RARS1: variants seen among roughly 807,000 people sequenced by gnomAD.
RARS1 encodes the protein arginine--tRNA ligase, cytoplasmic.
RARS1 carries 75 observed loss-of-function variants against 78.7 expected under a neutral mutation model. The ratio of observed to expected loss-of-function variants is 0.95; its 90% CI spans 0.79 to 1.15. RARS1 has a LOEUF of 1.15. Among genes scored for constraint, RARS1 ranks in the 50% most tolerant of loss-of-function variants. The pLI is 0.00. For synonymous variants in RARS1, 273 were observed against 268.2 expected, an observed-to-expected ratio of 1.02 and a Z score of -0.18; for missense variants, 787 against 787.5, an observed-to-expected ratio of 1.00 and a Z score of 0.01.
Position 168,486,555 on chromosome 5 carries a change from G to A in RARS1, c.45+12G>A, listed in dbSNP as rs139909727. ...GGCTGCTGCAGCAGGTTTGGACGCA[G>A]GAGACCGGCGGGAAGGCCTGAAAGA... is the stretch of plus-strand genomic sequence containing the variant. On this transcript the variant is annotated intron_variant, in intron 1 of 14. Coordinates refer to ENST00000231572, the MANE Select transcript of RARS1 (RefSeq NM_002887.4). 1.9e-6 allele frequency: 3 copies of A among 1,554,810 alleles called. No individual in the cohort carries two copies. Among genetic ancestry groups the A allele is most frequent in the Non-Finnish European group, 2.6e-6 (3 of 1,148,408 alleles).
chr5:168,494,524 G>A (rs1758143282), intron 4 of RARS1, 26 bp from the exon 5 acceptor site: 1 of 1,604,406 alleles, frequency 6.2e-7, no homozygotes, highest in Non-Finnish European at 8.5e-7. Context: ...GACAGTATCT[G>A]ATATTTTTTC....
chr5:168,504,974 C>T (rs1437483880), intron 9 of RARS1, among the ~76,000 whole-genome samples: 2 of 152,148 alleles, frequency 1.3e-5, no homozygotes, highest in Non-Finnish European at 2.9e-5. Context: ...ACCTGGATGA[C>T]AGAGCAAGAC....
chr5:168,513,147 G>A (rs1462750032), intron 12 of RARS1, among the ~76,000 whole-genome samples: 13 of 150,486 alleles, frequency 8.6e-5, no homozygotes, highest in African/African-American at 2.9e-4. Context: ...CCATGTTCAC[G>A]CCATTCTCCT....
chr5:168,504,242 G>A (rs1460707106), intron 9 of RARS1, among the ~76,000 whole-genome samples: 1 of 151,980 alleles, frequency 6.6e-6, no homozygotes, highest in East Asian at 1.9e-4. Flanking sequence ...TTAGCCAGGC[G>A]TGGCTGGGCG....
Position 168,494,003 on chromosome 5 carries a change from G to C in RARS1, c.478+1G>C, listed in dbSNP as rs1482123324. ...GAAAAAGTTGAAATTGCTGGTCCTGGTATGACATAATGTTATCCTTCTTAA... is the reference window on the plus strand; with the variant it reads ...GAAAAAGTTGAAATTGCTGGTCCTGCTATGACATAATGTTATCCTTCTTAA... On this transcript the variant is annotated splice_donor_variant, in intron 4 of 14. Transcript: ENST00000231572. LOFTEE classifies it high-confidence loss of function. 1.3e-6 allele frequency: 2 copies of C among 1,590,406 alleles called. No individual in the cohort carries two copies. The highest frequency in any genetic ancestry group is 8.6e-7 in the Non-Finnish European group (1 of 1,158,944).
intron 6 of RARS1, among the ~76,000 whole-genome samples, chr5:168,496,240 G>A (rs992246882): frequency 1.8e-4 from 27 of 151,576 alleles, no homozygotes; most frequent in Admixed American, 1.4e-3. Flanking sequence ...TTAGCTGGGT[G>A]TGGTGGTGCA....
At chr5:168,486,936 A>C (rs1476372691) in intron 1 of RARS1, among the ~76,000 whole-genome samples, 1 of 152,156 alleles carries the variant, frequency 6.6e-6, no homozygotes, top group Non-Finnish European at 1.5e-5. Context: ...CTTGGTTTGC[A>C]GCTCAGCCGC....
At chr5:168,495,873 G>A (rs1010573364) in intron 6 of RARS1, among the ~76,000 whole-genome samples, 1 of 152,126 alleles carries the variant, frequency 6.6e-6, no homozygotes, top group African/African-American at 2.4e-5. Context: ...ATTAGCCTGG[G>A]TACCATGGCT....
Position 168,500,651 on chromosome 5 carries a change from GTT to G in RARS1, c.884_885del (p.Val295AlafsTer5). On this transcript the variant is annotated frameshift_variant, in exon 8 of 15. Coordinates refer to ENST00000231572, the MANE Select transcript of RARS1 (RefSeq NM_002887.4). LOFTEE classifies it high-confidence loss of function. ...EFKKRAYQCV[V>X]LLQGKNPDIT... ...TAAGAAGCGAGCATATCAGTGTGTA[GTT>G]CTGCTCCAGGGTAAAAACCCAGATA... The G allele has an allele frequency of 6.2e-7, 1 of 1,610,606 alleles. No individual in the cohort carries two copies. Among genetic ancestry groups the G allele is most frequent in the Non-Finnish European group, 8.5e-7 (1 of 1,178,974 alleles).
intron 5 of RARS1, 109 bp downstream of exon 5, chr5:168,494,759 A>C: frequency 2.5e-6 from 2 of 792,228 alleles, no homozygotes; most frequent in Non-Finnish European, 4.1e-6. Context: ...AAGCAGGAGG[A>C]TTGCTTGAGC....
chr5:168,494,770 C>T, intron 5 of RARS1, 120 bp downstream of exon 5: 1 of 734,986 alleles, frequency 1.4e-6, no homozygotes, highest in South Asian at 1.7e-5. Context: ...TTGCTTGAGC[C>T]TAGAAGTTCA....
chr5:168,507,340 A>G (rs1004961651), intron 11 of RARS1, among the ~76,000 whole-genome samples: 19 of 152,156 alleles, frequency 1.2e-4, no homozygotes, highest in African/African-American at 4.6e-4. Context: ...TCTATTTTCT[A>G]ATTTTTTTAT....
At chr5:168,487,282 C>T (rs1331009022) in intron 1 of RARS1, among the ~76,000 whole-genome samples, 1 of 151,866 alleles carries the variant, frequency 6.6e-6, no homozygotes, top group African/African-American at 2.4e-5. Flanking sequence ...AGGAGAATGG[C>T]GTGAACCCGG....
intron 6 of RARS1, among the ~76,000 whole-genome samples, chr5:168,496,527 G>T (rs1758192022): frequency 6.6e-6 from 1 of 151,898 alleles, no homozygotes; most frequent in South Asian, 2.1e-4. Context: ...CTGTTGCCCA[G>T]GCTGGAGTGC....
At chr5:168,489,117 T>C (rs1423411838) in intron 2 of RARS1, among the ~76,000 whole-genome samples, 1 of 152,140 alleles carries the variant, frequency 6.6e-6, no homozygotes, top group Non-Finnish European at 1.5e-5. Flanking sequence ...ACCTTCAGGC[T>C]CAAGCAGTCA....
intron 9 of RARS1, among the ~76,000 whole-genome samples, chr5:168,502,382 A>ATTTTTTTTTTTTT (rs376556548): frequency 3.3e-5 from 4 of 119,404 alleles, no homozygotes; most frequent in African/African-American, 1.5e-4. Context: ...ATATATATAT[A>ATTTTTTTTTTTTT]TATTTTTTTT....
At chr5:168,498,472 A>G (rs1434726401) in intron 7 of RARS1, among the ~76,000 whole-genome samples, 2 of 152,148 alleles carry the variant, frequency 1.3e-5, no homozygotes, top group African/African-American at 4.8e-5. Context: ...GTATATCAAC[A>G]TGTATTAATC....
At position 168,486,507 on chromosome 5, in the gene RARS1, A is replaced by G. The variant is rs1057522584; in HGVS notation, c.9A>G (p.Val3=). 1.4e-5 allele frequency: 22 copies of G among 1,558,816 alleles called. No individual in the cohort carries two copies. The highest frequency in any genetic ancestry group is 1.8e-5 in the Non-Finnish European group (21 of 1,150,532). MD[V]LVSECSARLL... is the part of the protein sequence containing the mutation. ...GAGACGCTGATGGGAGGATGGACGT[A>G]CTGGTGTCTGAGTGCTCCGCGCGGC... is the stretch of plus-strand genomic sequence containing the variant. The change falls in exon 1 of 15, where the codon GTA becomes GTG. Residue 3 remains valine (V), a synonymous_variant. Transcript: ENST00000231572.
intron 3 of RARS1, 110 bp from the exon 4 acceptor site, chr5:168,493,784 C>T: frequency 1.3e-6 from 1 of 776,200 alleles, no homozygotes; most frequent in Non-Finnish European, 2.1e-6. Flanking sequence ...TCTGCTTCTG[C>T]CTTTTGATGG....
Sources: allele counts gnomAD v4.1 joint callset (sites outside exome capture counted in the v4.1 genomes callset), GRCh38; gene constraint gnomAD v4.1.1; transcripts MANE v1.5; gene names NCBI Gene and HGNC (gene_info 2026-07-23, HGNC 2026-07-21).